Variants in NSMCE2 observed in about 807,000 individuals in gnomAD.
NSMCE2 encodes E3 SUMO-protein ligase NSE2.
NSMCE2 carries 24 observed loss-of-function variants against 23.8 expected under a neutral mutation model. The observed-to-expected ratio is 1.01, with a 90% CI of 0.73 to 1.42. NSMCE2 has a LOEUF of 1.42. Among genes scored for constraint, NSMCE2 ranks in the 40% most tolerant of loss-of-function variants. The pLI is 0.00. For synonymous variants in NSMCE2, 92 were observed against 94.1 expected (o/e 0.98, Z 0.13); for missense variants, 284 against 296.5 (o/e 0.96, Z 0.31).
chr8:125,243,533 ATT>A (rs111925668), intron 5 of NSMCE2, among the ~76,000 whole-genome samples: 37 of 152,198 alleles, frequency 2.4e-4, no homozygotes, highest in African/African-American at 6.3e-4. Context: ...TCTAATGTGT[ATT>A]GTCATTGAAA....
intron 5 of NSMCE2, among the ~76,000 whole-genome samples, chr8:125,224,864 G>A (rs1324874935): frequency 1.3e-5 from 2 of 152,142 alleles, no homozygotes; most frequent in Non-Finnish European, 2.9e-5. Flanking sequence ...CAGAGTCCAT[G>A]CCCTTTACTA....
At chr8:125,314,487 T>C (rs1041228648) in intron 5 of NSMCE2, among the ~76,000 whole-genome samples, 1 of 152,204 alleles carries the variant, frequency 6.6e-6, no homozygotes, top group Non-Finnish European at 1.5e-5. Flanking sequence ...AGACGGGGTT[T>C]TGCCATGTTG....
chr8:125,231,115 TACTTAGGACTGTTA>T (rs1255880253), intron 5 of NSMCE2, among the ~76,000 whole-genome samples: 5 of 152,336 alleles, frequency 3.3e-5, no homozygotes, highest in African/African-American at 1.2e-4. Flanking sequence ...AGAGAAGAAA[TACTTAGGACTGTTA>T]ACTGTAGAAT....
At chr8:125,141,745 C>T (rs1187110296) in intron 3 of NSMCE2, among the ~76,000 whole-genome samples, 1 of 152,140 alleles carries the variant, frequency 6.6e-6, no homozygotes, top group Non-Finnish European at 1.5e-5. Flanking sequence ...TACCCCAGTC[C>T]GGTGAACATC....
At chr8:125,094,232 G>A (rs944207227) in intron 1 of NSMCE2, among the ~76,000 whole-genome samples, 1 of 152,314 alleles carries the variant, frequency 6.6e-6, no homozygotes, top group East Asian at 1.9e-4. Context: ...AGCACTTGCT[G>A]TTTGTGAAGC....
intron 5 of NSMCE2, among the ~76,000 whole-genome samples, chr8:125,237,649 G>A (rs557692643): frequency 2.5e-4 from 38 of 152,290 alleles, no homozygotes; most frequent in Admixed American, 5.2e-4. Flanking sequence ...AATTAATAAA[G>A]TCACATTCTT....
At chr8:125,143,112 A>G (rs749254142) in intron 3 of NSMCE2, among the ~76,000 whole-genome samples, 2 of 152,050 alleles carry the variant, frequency 1.3e-5, no homozygotes, top group Non-Finnish European at 2.9e-5. Flanking sequence ...ACACACACAC[A>G]CACACACACA....
chr8:125,106,485 C>T (rs1187439172), intron 3 of NSMCE2, among the ~76,000 whole-genome samples: 1 of 152,108 alleles, frequency 6.6e-6, no homozygotes, highest in Non-Finnish European at 1.5e-5. Flanking sequence ...TGAGACCAGC[C>T]TGACCAACTT....
At chr8:125,110,855 C>T (rs1239642752) in intron 3 of NSMCE2, among the ~76,000 whole-genome samples, 1 of 143,946 alleles carries the variant, frequency 6.9e-6, no homozygotes, top group African/African-American at 2.6e-5. Context: ...CTGAAACATC[C>T]TCTCATGGAG....
intron 1 of NSMCE2, among the ~76,000 whole-genome samples, chr8:125,101,574 G>C (rs1000662863): frequency 6.6e-6 from 1 of 152,118 alleles, no homozygotes; most frequent in Non-Finnish European, 1.5e-5. Context: ...TTTTCTAGTT[G>C]GTTTCAGTGG....
At chr8:125,112,021 T>C (rs1023359057) in intron 3 of NSMCE2, among the ~76,000 whole-genome samples, 1 of 152,180 alleles carries the variant, frequency 6.6e-6, no homozygotes, top group Non-Finnish European at 1.5e-5. Flanking sequence ...TTCATAATTA[T>C]TGAATAGAAG....
rs192566940 is a variant in NSMCE2 at position 125,233,961 on chromosome 8, A to G, written c.418+51705A>G. Among the ~76,000 whole-genome samples the G allele has an allele frequency of 2.6e-3, 398 of 150,690 alleles. 3 individuals carry two copies. The highest frequency in any genetic ancestry group is 9.3e-3 in the African/African-American group (382 of 40,872). Reference sequence around the variant, plus strand: ...GGAGGCTGAGGCAGGCGGATCATGAAGTCAGGAGATCGAGACCATCCTGGC... The same window carrying G: ...GGAGGCTGAGGCAGGCGGATCATGAGGTCAGGAGATCGAGACCATCCTGGC... On this transcript the variant is annotated intron_variant, in intron 5 of 7. Transcript: ENST00000287437.
At chr8:125,259,129 C>T (rs936032143) in intron 5 of NSMCE2, among the ~76,000 whole-genome samples, 5 of 151,942 alleles carry the variant, frequency 3.3e-5, no homozygotes, top group Non-Finnish European at 7.4e-5. Flanking sequence ...CTTGAACTCC[C>T]GACTCAGGTG....
intron 3 of NSMCE2, among the ~76,000 whole-genome samples, chr8:125,104,241 TG>T (rs958829131): frequency 2.6e-5 from 4 of 152,212 alleles, no homozygotes; most frequent in African/African-American, 9.7e-5. Context: ...CCGCCTGCCT[TG>T]GCCTTCCAAA....
At chr8:125,359,121 G>A (rs919556712) in intron 7 of NSMCE2, among the ~76,000 whole-genome samples, 6 of 151,722 alleles carry the variant, frequency 4.0e-5, no homozygotes, top group Admixed American at 3.3e-4. Context: ...AAAAAAATTA[G>A]CCGGGCGTGG....
chr8:125,262,168 G>A (rs1196542682), intron 5 of NSMCE2, among the ~76,000 whole-genome samples: 1 of 152,116 alleles, frequency 6.6e-6, no homozygotes, highest in South Asian at 2.1e-4. Flanking sequence ...GCTCACACCT[G>A]TAATCCCAGC....
chr8:125,122,171 C>CT lies in NSMCE2; in HGVS notation c.157+19684_157+19685insT, dbSNP rs1563663082. On this transcript the variant is annotated intron_variant, in intron 3 of 7. Coordinates refer to ENST00000287437, the MANE Select transcript of NSMCE2 (RefSeq NM_173685.4). ...TGACTTAGAAGGTTCTCTGGCTGAGCCAAAAAAAAAAAAAAAAAAAAAAAT... is the reference window on the plus strand; with the variant it reads ...TGACTTAGAAGGTTCTCTGGCTGAGCTCAAAAAAAAAAAAAAAAAAAAAAAT... Among the ~76,000 whole-genome samples the CT allele has an allele frequency of 8.8e-3, 759 of 86,384 alleles. 15 individuals are homozygous for CT. The highest frequency in any genetic ancestry group is 0.033 in the African/African-American group (737 of 22,170). 56.7% of individuals were successfully genotyped at this position (86,384 alleles called of 152,430 possible).
chr8:125,181,602 T>C (rs901577758), intron 4 of NSMCE2, among the ~76,000 whole-genome samples: 1 of 152,106 alleles, frequency 6.6e-6, no homozygotes, highest in African/African-American at 2.4e-5. Flanking sequence ...CAGGGGGCAC[T>C]TATTCCTTGG....
chr8:125,198,079 G>T (rs1039750490), intron 5 of NSMCE2, among the ~76,000 whole-genome samples: 1 of 152,194 alleles, frequency 6.6e-6, no homozygotes. Flanking sequence ...AGCTTAAGGA[G>T]ATTTTGGGCT....
Sources: gnomAD v4.1 joint callset for allele counts (sites outside exome capture counted in the v4.1 genomes callset) on GRCh38, gnomAD v4.1.1 for gene constraint, MANE v1.5 for transcripts, NCBI Gene and HGNC (gene_info 2026-07-23, HGNC 2026-07-21) for gene names.